Variants in FBLN5 observed in about 807,000 individuals in gnomAD.
FBLN5 encodes the protein fibulin 5.
A neutral mutation model predicts 61.6 loss-of-function variants in FBLN5; 24 were observed. The ratio of observed to expected loss-of-function variants is 0.39; its 90% CI spans 0.28 to 0.55. The LOEUF is 0.55. Ranked by LOEUF, FBLN5 falls within the 20% of genes least tolerant of loss-of-function variation. FBLN5 has a pLI of 0.65. For synonymous variants in FBLN5, 213 were observed against 219.8 expected (o/e 0.97, Z 0.27); for missense variants, 470 against 594.1 (o/e 0.79, Z 2.17).
chr14:91,939,857 T>A lies in FBLN5; in HGVS notation c.124+708A>T, dbSNP rs571807320. The A allele has an allele frequency of 1.6e-3, 675 of 433,614 alleles. 1 individual carries two copies. The highest frequency in any genetic ancestry group is 2.6e-3 in the Non-Finnish European group (579 of 219,638). 26.9% of individuals were successfully genotyped at this position (433,614 alleles called of 1,614,324 possible). The stretch of plus-strand genomic sequence containing the variant: ...GCTTACTAAGCAGCTGACCTTGAGA[T>A]GGGGAGGTTATCCTGGATTTTCTGG... On this transcript the variant is annotated intron_variant, in intron 3 of 10. Transcript: ENST00000342058.
At chr14:91,940,706 CA>C (rs940483333) in intron 2 of FBLN5, 90 bp from the exon 3 acceptor site, 8 of 1,156,712 alleles carry the variant, frequency 6.9e-6, no homozygotes, top group African/African-American at 4.6e-5. Flanking sequence ...GGAAATGGAG[CA>C]AAAAAGAAAG....
At position 91,943,618 on chromosome 14, in the gene FBLN5, A is replaced by G. The variant is rs2056140995; in HGVS notation, c.18-657T>C. 6.6e-6 allele frequency among the ~76,000 whole-genome samples: 1 copy of G among 152,160 alleles called. No individual in the cohort carries two copies. Among genetic ancestry groups the G allele is most frequent in the Admixed American group, 6.5e-5 (1 of 15,272 alleles). ...GACTTTTGAACATCTTTATGCTGAC[A>G]TGATTACAGAGTGAATAAGCCATCA... On this transcript the variant is annotated intron_variant, in intron 1 of 10. Transcript: ENST00000342058. The surrounding 1 kb of genome is among the most constrained non-coding windows in gnomAD (Gnocchi z 4.0).
At chr14:91,923,295 T>C (rs1294622630) in intron 4 of FBLN5, among the ~76,000 whole-genome samples, 1 of 152,170 alleles carries the variant, frequency 6.6e-6, no homozygotes, top group African/African-American at 2.4e-5. Context: ...CAAAAACCAG[T>C]GTTCACAGAA....
intron 5 of FBLN5, among the ~76,000 whole-genome samples, chr14:91,893,264 G>A (rs991141654): frequency 2.0e-5 from 3 of 152,206 alleles, no homozygotes; most frequent in South Asian, 4.1e-4. Context: ...GACATATTAA[G>A]TTCCTGTACA....
At chr14:91,922,688 C>T (rs1416689755) in intron 4 of FBLN5, among the ~76,000 whole-genome samples, 1 of 152,186 alleles carries the variant, frequency 6.6e-6, no homozygotes, top group South Asian at 2.1e-4. Context: ...ATGGTGGGAT[C>T]GCTTACATCT....
At chr14:91,927,806 A>T (rs2055854522) in intron 4 of FBLN5, among the ~76,000 whole-genome samples, 1 of 152,238 alleles carries the variant, frequency 6.6e-6, no homozygotes, top group Non-Finnish European at 1.5e-5. Flanking sequence ...TCCACACTTC[A>T]TCCCTCCTCT....
At chr14:91,899,820 A>G (rs1020216320) in intron 4 of FBLN5, among the ~76,000 whole-genome samples, 1 of 152,230 alleles carries the variant, frequency 6.6e-6, no homozygotes, top group African/African-American at 2.4e-5. Flanking sequence ...GTTTTAAAGG[A>G]GTAAAAGAAT....
chr14:91,878,342 A>C (rs545442700), intron 9 of FBLN5, among the ~76,000 whole-genome samples: 1 of 152,304 alleles, frequency 6.6e-6, no homozygotes, highest in East Asian at 1.9e-4. Context: ...ATACAAAGCA[A>C]CTATTAACAG....
intron 4 of FBLN5, among the ~76,000 whole-genome samples, chr14:91,920,811 A>C (rs1341184019): frequency 6.6e-6 from 1 of 152,188 alleles, no homozygotes; most frequent in African/African-American, 2.4e-5. Flanking sequence ...GGTCAGCCCA[A>C]GCCTACCCTC....
At chr14:91,927,051 T>C (rs181339385) in intron 4 of FBLN5, among the ~76,000 whole-genome samples, 18 of 152,334 alleles carry the variant, frequency 1.2e-4, no homozygotes, top group Admixed American at 2.0e-4. Context: ...CATCATTGAA[T>C]TGCTCACTTC....
intron 9 of FBLN5, among the ~76,000 whole-genome samples, chr14:91,880,821 G>A (rs1324146071): frequency 6.6e-6 from 1 of 152,090 alleles, no homozygotes; most frequent in East Asian, 1.9e-4. Context: ...AAAGTGCTGC[G>A]ATTACAGTCA....
intron 9 of FBLN5, 61 bp downstream of exon 9, chr14:91,881,231 C>T (rs1222714413): frequency 1.2e-6 from 2 of 1,606,078 alleles, no homozygotes; most frequent in Non-Finnish European, 1.7e-6. Context: ...CACCACACCT[C>T]CAACCTCCTG....
intron 3 of FBLN5, 143 bp from the exon 4 acceptor site, chr14:91,937,344 C>A: frequency 1.9e-6 from 2 of 1,032,064 alleles, no homozygotes; most frequent in East Asian, 2.6e-5. Context: ...GTAAGGTACC[C>A]CAAATGTTGG....
intron 4 of FBLN5, among the ~76,000 whole-genome samples, chr14:91,898,444 G>T (rs1293708095): frequency 6.6e-6 from 1 of 151,924 alleles, no homozygotes; most frequent in African/African-American, 2.4e-5. Context: ...ACACCTGATG[G>T]AGCTAAAACT....
At chr14:91,894,583 G>A (rs1003459886) in intron 5 of FBLN5, among the ~76,000 whole-genome samples, 5 of 151,542 alleles carry the variant, frequency 3.3e-5, no homozygotes, top group African/African-American at 7.3e-5. Context: ...TTATCTGGGC[G>A]TGGTGGCACA....
chr14:91,936,816 G>T (rs1480958674), intron 4 of FBLN5, 131 bp downstream of exon 4: 2 of 1,090,982 alleles, frequency 1.8e-6, no homozygotes, highest in Non-Finnish European at 2.8e-6. Flanking sequence ...AAATAAGTAT[G>T]CAGAGAGTAA....
rs72705347 is a variant in FBLN5, at chr14:91,898,282, T to C, written c.380-3210A>G. The stretch of plus-strand genomic sequence containing the variant: ...GTGTAATGCTGTGTCCCTGGTAATG[T>C]TCAAGAACTATTGAATGAATGAACA... On this transcript the variant is annotated intron_variant, in intron 4 of 10. Coordinates refer to ENST00000342058, the MANE Select transcript of FBLN5 (RefSeq NM_006329.4). Among the ~76,000 whole-genome samples, 1,071 of 152,190 alleles carry C rather than the reference T, an allele frequency of 7.0e-3. 6 individuals are homozygous for C. The highest frequency in any genetic ancestry group is 0.011 in the Non-Finnish European group (765 of 68,016).
chr14:91,891,275 A>G lies in FBLN5; in HGVS notation c.565T>C (p.Ser189Pro), dbSNP rs778893310. ...QLCANVPGSY[S>P]CTCNPGFTLN... is the part of the protein sequence containing the mutation. The stretch of plus-strand genomic sequence containing the variant: ...GTAAAACCAGGGTTGCATGTACAAG[A>G]ATAGGATCCAGGAACATTCGCACAG... The change falls in exon 6 of 11, where the codon TCT becomes CCT. Residue 189 changes from serine (S) to proline (P), a missense_variant. Physicochemically the swap from Ser to Pro is moderately conservative, Grantham distance 74. Coordinates refer to ENST00000342058, the MANE Select transcript of FBLN5 (RefSeq NM_006329.4). 1 of 1,614,052 alleles carries G rather than the reference A, an allele frequency of 6.2e-7. No homozygotes were observed. Among genetic ancestry groups the G allele is most frequent in the Non-Finnish European group, 8.5e-7 (1 of 1,179,886 alleles).
At chr14:91,917,178 GA>G (rs1294949781) in intron 4 of FBLN5, among the ~76,000 whole-genome samples, 27 of 152,230 alleles carry the variant, frequency 1.8e-4, no homozygotes, top group African/African-American at 6.3e-4. Flanking sequence ...ATGTTTTAGA[GA>G]TAGTCATTGG....
Sources: allele counts gnomAD v4.1 joint callset (sites outside exome capture counted in the v4.1 genomes callset), GRCh38; gene constraint gnomAD v4.1.1; non-coding constraint Gnocchi (gnomAD v3.1); transcripts MANE v1.5; gene names NCBI Gene and HGNC (gene_info 2026-07-23, HGNC 2026-07-21).